The following SLC30A5 variants were observed in gnomAD, a reference collection of about 807,000 sequenced individuals.
SLC30A5 encodes proton-coupled zinc antiporter SLC30A5.
SLC30A5 carries 33 observed loss-of-function variants against 79.6 expected under a neutral mutation model. The observed-to-expected ratio is 0.41, with a 90% CI of 0.31 to 0.55. The LOEUF (loss-of-function observed/expected upper bound fraction) is 0.55, where lower values mean the gene tolerates loss of function less well. Among genes scored for constraint, SLC30A5 ranks in the 20% least tolerant of loss-of-function variants. SLC30A5 has a pLI of 0.20. For missense variants in SLC30A5, 788 were observed against 928.1 expected (o/e 0.85, Z 1.96); for synonymous variants, 299 against 319.7 (o/e 0.94, Z 0.69).
intron 3 of SLC30A5, 69 bp from the exon 4 acceptor site, chr5:69,104,562 A>G: frequency 1.4e-6 from 2 of 1,456,370 alleles, no homozygotes; most frequent in Non-Finnish European, 1.8e-6. Flanking sequence ...TCTGTATTTT[A>G]TTTAAAATTT....
intron 2 of SLC30A5, among the ~76,000 whole-genome samples, chr5:69,102,118 A>AT (rs1425074319): frequency 2.8e-5 from 4 of 143,582 alleles, no homozygotes; most frequent in Admixed American, 1.4e-4. Flanking sequence ...CAGTGGCTCA[A>AT]TCTCAACTCA....
chr5:69,115,370 T>C lies in SLC30A5; in HGVS notation c.746T>C (p.Leu249Ser). ...ALSHLVSVLL[L>S]CPWVIVLSVT... ...TCTCATCTTGTTTCTGTGCTTCTCT[T>C]GTGCCCATGGGTCATTGTTCTTTCT... The change falls in exon 8 of 16, where the codon TTG becomes TCG. Residue 249 changes from leucine to serine, a missense_variant. Around this residue, in one of 3 missense-constraint regions of SLC30A5, gnomAD observed 626 missense variants for 755.5 expected, o/e 0.83. Coordinates refer to ENST00000396591, the MANE Select transcript of SLC30A5 (RefSeq NM_022902.5). 1 of 1,614,048 alleles carries C rather than the reference T, an allele frequency of 6.2e-7. No individual in the cohort carries two copies. The highest frequency in any genetic ancestry group is 8.5e-7 in the Non-Finnish European group (1 of 1,179,964).
intron 11 of SLC30A5, among the ~76,000 whole-genome samples, chr5:69,117,674 C>G (rs770508712): frequency 3.3e-5 from 5 of 150,186 alleles, no homozygotes; most frequent in Non-Finnish European, 5.9e-5. Flanking sequence ...GTCAGGAGTT[C>G]GAGACCAGCC....
At chr5:69,115,167 A>T in intron 7 of SLC30A5, 70 bp from the exon 8 acceptor site, 3 of 743,888 alleles carry the variant, frequency 4.0e-6, no homozygotes, top group Non-Finnish European at 6.3e-6. Context: ...AAAAAAAAAG[A>T]TCATGTATTT....
At chr5:69,127,203 T>C (rs1012370908) in intron 14 of SLC30A5, among the ~76,000 whole-genome samples, 1 of 152,166 alleles carries the variant, frequency 6.6e-6, no homozygotes, top group Admixed American at 6.5e-5. Flanking sequence ...AATGTGCATA[T>C]GAATGTGTCC....
At chr5:69,094,473 C>T (rs1745661714) in intron 1 of SLC30A5, 135 bp downstream of exon 1, 5 of 974,660 alleles carry the variant, frequency 5.1e-6, no homozygotes, top group South Asian at 5.3e-5. Context: ...TGCCTCCCTG[C>T]GCGCAGGCTG....
At chr5:69,123,553 G>A in intron 14 of SLC30A5, 128 bp downstream of exon 14, 2 of 687,698 alleles carry the variant, frequency 2.9e-6, no homozygotes, top group African/African-American at 1.8e-5. Context: ...ATATAAAGTA[G>A]CATTTAAAAT....
intron 11 of SLC30A5, among the ~76,000 whole-genome samples, chr5:69,117,838 C>CT (rs1271672609): frequency 6.7e-6 from 1 of 149,418 alleles, no homozygotes; most frequent in Non-Finnish European, 1.5e-5. Flanking sequence ...GATCGTGCCA[C>CT]TGCACTCCAG....
rs1431531483 is a variant in SLC30A5 at position 69,115,385 on chromosome 5, T to C, written c.761T>C (p.Ile254Thr). ...VSVLLLCPWVIVLSVTTESKV... is the reference protein window; with the variant it reads ...VSVLLLCPWVTVLSVTTESKV... ...GTGCTTCTCTTGTGCCCATGGGTCA[T>C]TGTTCTTTCTGTGACAACTGAGGTA... The change falls in exon 8 of 16, where the codon ATT (isoleucine) becomes ACT (threonine). Residue 254 changes from isoleucine to threonine, a missense_variant. Transcript: ENST00000396591. 8 of 1,613,418 alleles carry C rather than the reference T, an allele frequency of 5.0e-6. No homozygotes were observed. The highest frequency in any genetic ancestry group is 1.6e-4 in the Middle Eastern group (1 of 6,062).
In SLC30A5 at chr5:69,125,552, T is replaced by C. The variant is rs192583155; in HGVS notation, c.1998+2127T>C. 5.5e-3 allele frequency among the ~76,000 whole-genome samples: 685 copies of C among 125,492 alleles called. 8 individuals are homozygous for C. The highest frequency in any genetic ancestry group is 0.02 in the African/African-American group (644 of 32,392). The allele number at this position is 125,492 out of a possible 152,430, so 82.3% of individuals were successfully genotyped here. On this transcript the variant is annotated intron_variant, in intron 14 of 15. Transcript: ENST00000396591. ...CTTCCCCACACACAAAAAAAAAAAT[T>C]AGGCCTGGCACGGTGGCTCAGGCCT...
chr5:69,106,692 C>T (rs1176458772), intron 4 of SLC30A5, among the ~76,000 whole-genome samples: 2 of 152,098 alleles, frequency 1.3e-5, no homozygotes, highest in Non-Finnish European at 2.9e-5. Context: ...TCCCAGCTAC[C>T]TAGAAGGCTG....
At chr5:69,127,473 CAAAAA>C (rs70989993) in intron 14 of SLC30A5, among the ~76,000 whole-genome samples, 3,280 of 77,834 alleles carry the variant, frequency 0.042, 120 homozygotes, top group African/African-American at 0.11. Flanking sequence ...TACTAAAATA[CAAAAA>C]AAAAAAAAAA....
At position 69,114,425 on chromosome 5, in the gene SLC30A5, G is replaced by A; in HGVS notation, c.541G>A (p.Gly181Arg). 1 of 1,604,428 alleles carries A rather than the reference G, an allele frequency of 6.2e-7. No homozygotes were observed. The highest frequency in any genetic ancestry group is 2.2e-5 in the East Asian group (1 of 44,834). The change falls in exon 7 of 16, where the codon GGA becomes AGA. Residue 181 changes from glycine (G) to arginine (R), a missense_variant. Gly to Arg is a moderately radical substitution (Grantham distance 125). Transcript: ENST00000396591. ...LMAKMAEHPEGHHDSALTHML... is the reference protein window; with the variant it reads ...LMAKMAEHPERHHDSALTHML... ...CTTTACTTCAACTCACTTAGCTGAA[G>A]GACATCATGACAGTGCTCTAACTCA...
chr5:69,117,421 G>T (rs370719675), intron 11 of SLC30A5, 25 bp downstream of exon 11: 1 of 1,604,418 alleles, frequency 6.2e-7, no homozygotes, highest in Admixed American at 1.7e-5. Flanking sequence ...TGTCGAGGTG[G>T]TATATCTTAA....
chr5:69,107,242 A>G (rs1436769073), intron 4 of SLC30A5, among the ~76,000 whole-genome samples: 2 of 152,162 alleles, frequency 1.3e-5, no homozygotes, highest in African/African-American at 4.8e-5. Context: ...ACTGTCTTCT[A>G]CCTCCACATC....
At chr5:69,114,599 G>C in intron 7 of SLC30A5, 103 bp downstream of exon 7, 1 of 778,168 alleles carries the variant, frequency 1.3e-6, no homozygotes, top group Non-Finnish European at 2.2e-6. Flanking sequence ...GGGCCCAGTG[G>C]CTCACGCCTG....
At chr5:69,126,144 G>T (rs1746681578) in intron 14 of SLC30A5, among the ~76,000 whole-genome samples, 1 of 152,102 alleles carries the variant, frequency 6.6e-6, no homozygotes, top group African/African-American at 2.4e-5. Context: ...TCACCTCGTG[G>T]TTTACTACAT....
At chr5:69,119,801 C>T (rs1404654763) in intron 12 of SLC30A5, among the ~76,000 whole-genome samples, 1 of 152,046 alleles carries the variant, frequency 6.6e-6, no homozygotes, top group African/African-American at 2.4e-5. Flanking sequence ...GGTTGGATCA[C>T]CTGAGGTCAG....
Position 69,116,469 on chromosome 5 carries a change from C to T in SLC30A5, c.1148C>T (p.Pro383Leu). The T allele has an allele frequency of 6.2e-7, 1 of 1,612,938 alleles. No homozygotes were observed. ...TLIGYSPEGT[P>L]LYNFMGDAFQ... ...ATTGGATATTCTCCTGAAGGAACAC[C>T]TCTTTATAACTTCATGGGTGATGCT... is the stretch of plus-strand genomic sequence containing the variant. Residue 383 changes from proline to leucine, a missense_variant, in exon 10 of 16, where the codon CCT (proline) becomes CTT (leucine). By Grantham distance (98) the Pro-to-Leu change is moderately conservative. Coordinates refer to ENST00000396591, the MANE Select transcript of SLC30A5 (RefSeq NM_022902.5). The surrounding 1 kb of genome is among the most constrained non-coding windows in gnomAD (Gnocchi z 4.0).
Sources: gnomAD v4.1 joint callset for allele counts (sites outside exome capture counted in the v4.1 genomes callset) on GRCh38, gnomAD v4.1.1 for gene constraint, gnomAD v4.1.1 regional missense constraint, Gnocchi (gnomAD v3.1) non-coding constraint, MANE v1.5 for transcripts, NCBI Gene and HGNC (gene_info 2026-07-23, HGNC 2026-07-21) for gene names.